Variants in HGF observed in about 807,000 individuals in gnomAD.
HGF encodes the protein hepatocyte growth factor, also known as fibroblast-derived tumor cytotoxic factor.
Under a neutral mutation model 111.6 loss-of-function variants are expected in HGF, and 39 were observed. That is an observed-to-expected ratio of 0.35 (90% confidence interval 0.27 to 0.46). The LOEUF (loss-of-function observed/expected upper bound fraction) is 0.46. Among genes scored for constraint, HGF ranks in the 20% least tolerant of loss-of-function variants. The pLI is 1.00. For missense variants in HGF, 735 were observed against 910.5 expected (o/e 0.81, Z 2.48); for synonymous variants, 285 against 294.8 (o/e 0.97, Z 0.34).
chr7:81,704,500 T>C (rs1026820842), intron 17 of HGF, among the ~76,000 whole-genome samples: 2 of 151,816 alleles, frequency 1.3e-5, no homozygotes, highest in Non-Finnish European at 2.9e-5. Flanking sequence ...GTTATAAACA[T>C]ATAATCTGTT....
chr7:81,726,260 A>G (rs889403380), intron 8 of HGF, among the ~76,000 whole-genome samples: 3 of 152,192 alleles, frequency 2.0e-5, no homozygotes, highest in African/African-American at 7.2e-5. Context: ...AGTTTCACCC[A>G]AACATTACTG....
At chr7:81,729,835 A>C (rs1787587116) in intron 7 of HGF, 56 bp from the exon 8 acceptor site, 4 of 1,548,218 alleles carry the variant, frequency 2.6e-6, no homozygotes, top group Non-Finnish European at 3.5e-6. Context: ...TGAAGATGTC[A>C]TTTGCCTCTT....
At chr7:81,757,883 T>C (rs947918039) in intron 3 of HGF, among the ~76,000 whole-genome samples, 1 of 152,048 alleles carries the variant, frequency 6.6e-6, no homozygotes, top group Non-Finnish European at 1.5e-5. Context: ...GAAGACAGTT[T>C]GAAGTAAGAA....
chr7:81,737,039 C>T (rs996678307), intron 7 of HGF, among the ~76,000 whole-genome samples: 4 of 151,822 alleles, frequency 2.6e-5, no homozygotes, highest in Non-Finnish European at 5.9e-5. Flanking sequence ...AAAAATGATA[C>T]TCTCTTGGAC....
chr7:81,757,943 A>G (rs1260977343), intron 3 of HGF, among the ~76,000 whole-genome samples: 1 of 151,942 alleles, frequency 6.6e-6, no homozygotes, highest in Non-Finnish European at 1.5e-5. Flanking sequence ...AGTATTATTG[A>G]GGTGTATAAA....
intron 8 of HGF, among the ~76,000 whole-genome samples, chr7:81,727,058 T>TA (rs1348436292): frequency 6.6e-6 from 1 of 151,448 alleles, no homozygotes; most frequent in East Asian, 1.9e-4. Flanking sequence ...TGTTTTTTTT[T>TA]TAAACAGAGT....
intron 7 of HGF, chr7:81,736,616 G>A (rs560775039): frequency 1.7e-5 from 7 of 420,052 alleles, no homozygotes; most frequent in Admixed American, 1.4e-4. Context: ...ATGTGAATGA[G>A]TAGCTGCCAA....
intron 11 of HGF, among the ~76,000 whole-genome samples, chr7:81,713,596 T>C (rs553838899): frequency 6.6e-6 from 1 of 152,100 alleles, no homozygotes; most frequent in East Asian, 1.9e-4. Context: ...TTAATAGTAA[T>C]GTATATGTTT....
chr7:81,745,274 A>G (rs565007200), intron 5 of HGF, among the ~76,000 whole-genome samples, 154 bp from the exon 6 acceptor site: 41 of 152,340 alleles, frequency 2.7e-4, no homozygotes, highest in African/African-American at 8.7e-4. Flanking sequence ...ATGTCTATAA[A>G]TAGTGACATA....
rs758790721 is a variant in HGF, at chr7:81,762,857, C to A, written c.104G>T (p.Arg35Ile). Reference protein sequence around the residue: ...AIPYAEGQRKRRNTIHEFKKS... With the variant: ...AIPYAEGQRKIRNTIHEFKKS... ...TTTGAATTCATGAATTGTATTTCTT[C>A]TTTTCCTTTGTCCCTCTATTAAATA... The change falls in exon 2 of 18, where the codon AGA (arginine) becomes ATA (isoleucine). Residue 35 changes from arginine (R) to isoleucine (I), a missense_variant. Coordinates refer to ENST00000222390, the MANE Select transcript of HGF (RefSeq NM_000601.6). The A allele has an allele frequency of 3.9e-6, 6 of 1,555,238 alleles. No homozygotes were observed. In the South Asian group the frequency reaches 6.7e-5, roughly 17 times the overall value.
chr7:81,717,287 G>A lies in HGF; in HGVS notation c.1350C>T (p.Pro450=). The change falls in exon 11 of 18, where the codon CCC becomes CCT. Residue 450 remains proline, a synonymous_variant. Transcript: ENST00000222390. ...CRNPDDDAHG[P]WCYTGNPLIP... is the part of the protein sequence containing the mutation. ...TGAGTGGATTTCCCGTGTAGCACCAGGGTCCATGAGCATCATCATCTGGAT... is the reference window on the plus strand; with the variant it reads ...TGAGTGGATTTCCCGTGTAGCACCAAGGTCCATGAGCATCATCATCTGGAT... The A allele has an allele frequency of 6.2e-7, 1 of 1,613,606 alleles. No homozygotes were observed. Among genetic ancestry groups the A allele is most frequent in the Non-Finnish European group, 8.5e-7 (1 of 1,179,560 alleles).
intron 9 of HGF, among the ~76,000 whole-genome samples, chr7:81,723,211 A>G (rs2115886949): frequency 6.6e-6 from 1 of 152,274 alleles, no homozygotes; most frequent in African/African-American, 2.4e-5. Context: ...AACTAATGAA[A>G]TTGTCTACTT....
intron 7 of HGF, among the ~76,000 whole-genome samples, chr7:81,740,653 T>C (rs948618152): frequency 6.6e-6 from 1 of 152,198 alleles, no homozygotes; most frequent in Admixed American, 6.5e-5. Context: ...GCAGGAGAGA[T>C]GCTATCCTGT....
At chr7:81,753,005 T>G (rs542771455) in intron 4 of HGF, among the ~76,000 whole-genome samples, 29 of 152,238 alleles carry the variant, frequency 1.9e-4, no homozygotes, top group African/African-American at 6.7e-4. Flanking sequence ...GTATCTACTG[T>G]GTCCTAATAA....
At position 81,700,199 on chromosome 7, in the gene HGF, G is replaced by A. The variant is rs1789246017; in HGVS notation, c.*2382C>T. 2.0e-5 allele frequency: 3 copies of A among 151,608 alleles called. No homozygotes were observed. Among genetic ancestry groups the A allele is most frequent in the African/African-American group, 7.2e-5 (3 of 41,408 alleles). 9.4% of individuals were successfully genotyped at this position (151,608 alleles called of 1,614,324 possible). A position where few individuals can be genotyped will look rare whatever the true frequency, so the allele number is the denominator to read the frequency against. Reference sequence around the variant, plus strand: ...AATGTTTAATGATTTATTCAGCAAAGAACACCTGGTAAATAGTGTCTTCCA... The same window carrying A: ...AATGTTTAATGATTTATTCAGCAAAAAACACCTGGTAAATAGTGTCTTCCA... On this transcript the variant is annotated 3_prime_UTR_variant, in exon 18 of 18. Transcript: ENST00000222390.
intron 11 of HGF, among the ~76,000 whole-genome samples, chr7:81,715,249 T>G (rs1307752151): frequency 1.3e-5 from 2 of 152,134 alleles, no homozygotes; most frequent in Non-Finnish European, 2.9e-5. Flanking sequence ...TCCTTCTTCC[T>G]ACACCATTAT....
At chr7:81,745,365 G>A (rs549183998) in intron 5 of HGF, among the ~76,000 whole-genome samples, 2 of 152,118 alleles carry the variant, frequency 1.3e-5, no homozygotes, top group East Asian at 1.9e-4. Flanking sequence ...ATAGGGCCAC[G>A]ACGCTGTCTA....
intron 5 of HGF, among the ~76,000 whole-genome samples, chr7:81,747,019 G>T (rs1788284746): frequency 1.3e-5 from 2 of 152,068 alleles, no homozygotes; most frequent in African/African-American, 2.4e-5. Context: ...ACTTTGCTCT[G>T]CAACTTTCTA....
At chr7:81,745,376 T>G (rs1218848170) in intron 5 of HGF, among the ~76,000 whole-genome samples, 1 of 152,200 alleles carries the variant, frequency 6.6e-6, no homozygotes, top group Non-Finnish European at 1.5e-5. Flanking sequence ...ACGCTGTCTA[T>G]CTATTTTTTC....
Sources: gnomAD v4.1 joint callset for allele counts (sites outside exome capture counted in the v4.1 genomes callset) on GRCh38, gnomAD v4.1.1 for gene constraint, MANE v1.5 for transcripts, NCBI Gene and HGNC (gene_info 2026-07-23, HGNC 2026-07-21) for gene names.